Variants in NRG3 observed in about 807,000 individuals in gnomAD.
The protein encoded by NRG3 is neuregulin 3.
Under a neutral mutation model 66.9 loss-of-function variants are expected in NRG3, and 31 were observed. The ratio of observed to expected loss-of-function variants is 0.46; its 90% CI spans 0.35 to 0.63. NRG3 has a LOEUF of 0.63. Among genes scored for constraint, NRG3 ranks in the 20% least tolerant of loss-of-function variants. The probability of loss-of-function intolerance (pLI) is 0.00; values close to 1 mark genes in which losing one functional copy is unlikely to be tolerated. For missense variants in NRG3, 910 were observed against 878.9 expected, an observed-to-expected ratio of 1.04 and a Z score of -0.45; for synonymous variants, 393 against 359.4, an observed-to-expected ratio of 1.09 and a Z score of -1.06.
intron 1 of NRG3, among the ~76,000 whole-genome samples, chr10:81,966,475 T>A (rs1209636691): frequency 6.6e-6 from 1 of 152,062 alleles, no homozygotes; most frequent in East Asian, 1.9e-4. Flanking sequence ...CTTCTATTTA[T>A]TTATTTATAT....
intron 2 of NRG3, among the ~76,000 whole-genome samples, chr10:82,431,991 T>G (rs1355403780): frequency 3.3e-5 from 5 of 152,174 alleles, no homozygotes; most frequent in Admixed American, 2.0e-4. Context: ...TATGTCTCCT[T>G]CAGACCAGAT....
chr10:81,947,671 C>T (rs530046116), intron 1 of NRG3, among the ~76,000 whole-genome samples: 12 of 151,918 alleles, frequency 7.9e-5, no homozygotes, highest in South Asian at 4.2e-4. Context: ...CCAGATTAGC[C>T]GAGCCAAATG....
chr10:81,975,500 A>T (rs1414178349), intron 1 of NRG3, among the ~76,000 whole-genome samples: 1 of 152,106 alleles, frequency 6.6e-6, no homozygotes, highest in East Asian at 1.9e-4. Context: ...TTGGGAAGTG[A>T]TTCCTGGAAG....
At chr10:82,070,932 T>A (rs1457606993) in intron 1 of NRG3, among the ~76,000 whole-genome samples, 1 of 152,196 alleles carries the variant, frequency 6.6e-6, no homozygotes, top group Non-Finnish European at 1.5e-5. Flanking sequence ...TAATTTACCT[T>A]TGTAAAATTG....
Position 82,813,630 on chromosome 10 carries a change from C to T in NRG3, c.1028-51781C>T, listed in dbSNP as rs547607178. 4.1e-3 allele frequency among the ~76,000 whole-genome samples: 626 copies of T among 152,284 alleles called. 1 individual carries two copies. The highest frequency in any genetic ancestry group is 6.8e-3 in the Non-Finnish European group (463 of 68,026). ...ACAAAGATCTTTATTTACACTTTTACACCTTTATTTGTATTATCAACAATA... is the reference window on the plus strand; with the variant it reads ...ACAAAGATCTTTATTTACACTTTTATACCTTTATTTGTATTATCAACAATA... On this transcript the variant is annotated intron_variant, in intron 3 of 8. Transcript: ENST00000372141.
rs547958722 is a variant in NRG3, at chr10:82,390,393, G to T, written c.953+31525G>T. Among the ~76,000 whole-genome samples the T allele has an allele frequency of 3.9e-5, 6 of 152,176 alleles. No individual in the cohort carries two copies. In the South Asian group the frequency reaches 1.2e-3, roughly 32 times the overall value. On this transcript the variant is annotated intron_variant, in intron 2 of 8. Coordinates refer to ENST00000372141, the MANE Select transcript of NRG3 (RefSeq NM_001010848.4). ...CAAAATGATTTACTGACATTCTCCA[G>T]CATAAGTTTTAGGTGAAAGAGTATT...
intron 1 of NRG3, among the ~76,000 whole-genome samples, chr10:82,058,560 A>C (rs1294587078): frequency 6.6e-6 from 1 of 150,608 alleles, no homozygotes. Flanking sequence ...TATCTATATA[A>C]TATATATTTA....
chr10:81,878,020 G>T lies in NRG3; in HGVS notation c.823+1857G>T, dbSNP rs575183698. ...TTGGGAGAGGAGGGGGACTACACACGGTAGGGGTATTTCATGTTCTTTCTC... is the reference window on the plus strand; with the variant it reads ...TTGGGAGAGGAGGGGGACTACACACTGTAGGGGTATTTCATGTTCTTTCTC... On this transcript the variant is annotated intron_variant, in intron 1 of 8. Coordinates refer to ENST00000372141, the MANE Select transcript of NRG3 (RefSeq NM_001010848.4). The T allele has an allele frequency of 8.2e-4, 1,256 of 1,537,588 alleles. 9 individuals are homozygous for T. In the African/African-American group the frequency reaches 0.016, roughly 19 times the overall value.
intron 1 of NRG3, among the ~76,000 whole-genome samples, chr10:81,978,409 T>G (rs1436379575): frequency 2.6e-5 from 4 of 152,174 alleles, no homozygotes; most frequent in Non-Finnish European, 5.9e-5. Flanking sequence ...GCCAAACCAT[T>G]CTATAACTTT....
At chr10:82,745,665 G>T (rs779910409) in intron 3 of NRG3, among the ~76,000 whole-genome samples, 8 of 152,004 alleles carry the variant, frequency 5.3e-5, no homozygotes, top group Non-Finnish European at 1.2e-4. Context: ...ATATTTGATT[G>T]CTAATATCTT....
chr10:82,564,685 A>G (rs570142865), intron 2 of NRG3, among the ~76,000 whole-genome samples: 2 of 152,192 alleles, frequency 1.3e-5, no homozygotes, highest in South Asian at 2.1e-4. Flanking sequence ...CAAAGTGCCT[A>G]TTTTACACAA....
rs566193905 is a variant in NRG3, at chr10:82,173,047, A to G, written c.824-185692A>G. Among the ~76,000 whole-genome samples, 161 of 152,246 alleles carry G rather than the reference A, an allele frequency of 1.1e-3. 1 individual carries two copies. The highest frequency in any genetic ancestry group is 3.7e-3 in the African/African-American group (153 of 41,568). On this transcript the variant is annotated intron_variant, in intron 1 of 8. Coordinates refer to ENST00000372141, the MANE Select transcript of NRG3 (RefSeq NM_001010848.4). ...TGACTTTTGAGTTAAATTAAATTTT[A>G]TGGCTCAAAAAATGCTTTGCTTGGT...
intron 4 of NRG3, among the ~76,000 whole-genome samples, chr10:82,870,908 G>A (rs1236377661): frequency 6.6e-6 from 1 of 152,126 alleles, no homozygotes; most frequent in South Asian, 2.1e-4. Flanking sequence ...TTGCAAAGCA[G>A]AAATTTTCAA....
intron 1 of NRG3, among the ~76,000 whole-genome samples, chr10:81,908,151 A>G (rs964189206): frequency 1.3e-5 from 2 of 152,142 alleles, no homozygotes; most frequent in African/African-American, 4.8e-5. Flanking sequence ...AAGTTATTTC[A>G]ATGTTATGCA....
intron 1 of NRG3, among the ~76,000 whole-genome samples, chr10:82,133,489 C>T (rs1226030778): frequency 6.6e-6 from 1 of 152,162 alleles, no homozygotes; most frequent in Non-Finnish European, 1.5e-5. Flanking sequence ...TTAGCTCCCA[C>T]TTATATGTGA....
At chr10:82,546,769 A>G (rs1355659406) in intron 2 of NRG3, among the ~76,000 whole-genome samples, 2 of 152,210 alleles carry the variant, frequency 1.3e-5, no homozygotes, top group African/African-American at 4.8e-5. Context: ...TCTAAATGTT[A>G]CATTCCACAA....
intron 1 of NRG3, among the ~76,000 whole-genome samples, chr10:82,356,856 T>A (rs1006917044): frequency 6.6e-6 from 1 of 152,150 alleles, no homozygotes; most frequent in Non-Finnish European, 1.5e-5. Context: ...TATAATGAGG[T>A]TTTTAATTAT....
intron 1 of NRG3, among the ~76,000 whole-genome samples, chr10:81,965,509 G>A (rs1312598979): frequency 2.0e-5 from 3 of 152,062 alleles, no homozygotes; most frequent in African/African-American, 7.2e-5. Context: ...AGGCACAGTG[G>A]GGTGTGTAAT....
intron 3 of NRG3, among the ~76,000 whole-genome samples, chr10:82,807,197 C>T (rs902305723): frequency 6.6e-6 from 1 of 152,102 alleles, no homozygotes; most frequent in African/African-American, 2.4e-5. Flanking sequence ...TGTCAAAGTA[C>T]ATAAAAAGAC....
Sources: gnomAD v4.1 joint callset for allele counts (sites outside exome capture counted in the v4.1 genomes callset) on GRCh38, gnomAD v4.1.1 for gene constraint, MANE v1.5 for transcripts, NCBI Gene and HGNC (gene_info 2026-07-23, HGNC 2026-07-21) for gene names.